SCFD1: variants seen among roughly 807,000 people sequenced by gnomAD.
SCFD1 encodes the protein sec1 family domain-containing protein 1.
In SCFD1, 37 loss-of-function variants were observed where a neutral mutation model predicts 103.2. The ratio of observed to expected loss-of-function variants is 0.36; its 90% CI spans 0.28 to 0.47. SCFD1 has a LOEUF of 0.47. Among genes scored for constraint, SCFD1 ranks in the 20% least tolerant of loss-of-function variants. The pLI, the probability that SCFD1 is intolerant of heterozygous loss-of-function variation, is 1.00. For synonymous variants in SCFD1, 264 were observed against 245.0 expected, an observed-to-expected ratio of 1.08 and a Z score of -0.73; for missense variants, 639 against 761.2, an observed-to-expected ratio of 0.84 and a Z score of 1.89.
intron 14 of SCFD1, chr14:30,683,059 T>G (rs1251167723): frequency 6.6e-6 from 9 of 1,373,354 alleles, no homozygotes; most frequent in Admixed American, 1.7e-5. Context: ...GGCTCCTGAC[T>G]GGTGACCTGT....
chr14:30,700,603 G>A (rs902471435), intron 16 of SCFD1, among the ~76,000 whole-genome samples: 1 of 152,178 alleles, frequency 6.6e-6, no homozygotes, highest in Non-Finnish European at 1.5e-5. Context: ...GAACCTGGGA[G>A]GCAGAGGTTG....
intron 15 of SCFD1, among the ~76,000 whole-genome samples, chr14:30,695,707 C>T (rs1053567256): frequency 1.3e-5 from 2 of 151,886 alleles, no homozygotes; most frequent in East Asian, 3.9e-4. Flanking sequence ...CATATACACA[C>T]AAAAAATGAA....
At chr14:30,709,712 A>C (rs73254554) in intron 19 of SCFD1, among the ~76,000 whole-genome samples, 2,526 of 152,276 alleles carry the variant, frequency 0.017, 91 homozygotes, top group African/African-American at 0.057. Context: ...CACATTAGAG[A>C]CAAATGTGCT....
At chr14:30,640,378 A>G (rs942908748) in intron 6 of SCFD1, among the ~76,000 whole-genome samples, 2 of 152,174 alleles carry the variant, frequency 1.3e-5, no homozygotes, top group South Asian at 2.1e-4. Context: ...ATTTTTGACA[A>G]CGGTTATTAT....
chr14:30,660,620 C>CTT (rs35522948), intron 10 of SCFD1, among the ~76,000 whole-genome samples: 1 of 147,888 alleles, frequency 6.8e-6, no homozygotes, highest in Admixed American at 6.7e-5. Flanking sequence ...ATATAAATAA[C>CTT]TTTTTTTTTT....
intron 9 of SCFD1, among the ~76,000 whole-genome samples, chr14:30,651,129 A>T (rs1404917649): frequency 6.6e-6 from 1 of 152,154 alleles, no homozygotes; most frequent in East Asian, 1.9e-4. Flanking sequence ...ATACTAAAAA[A>T]CCCTATACAT....
intron 7 of SCFD1, among the ~76,000 whole-genome samples, chr14:30,644,842 G>C (rs455614): frequency 0.078 from 11,934 of 152,094 alleles, 758 homozygotes; most frequent in African/African-American, 0.17. Context: ...AGTTTAATTA[G>C]GTCCAATTTG....
At chr14:30,625,605 G>C (rs1428647154) in intron 1 of SCFD1, among the ~76,000 whole-genome samples, 1 of 60,296 alleles carries the variant, frequency 1.7e-5, no homozygotes, top group African/African-American at 1.3e-4. Flanking sequence ...TTTGTTATAG[G>C]TATAGGTATA....
chr14:30,668,510 C>T (rs1888229226), intron 10 of SCFD1, among the ~76,000 whole-genome samples: 1 of 152,128 alleles, frequency 6.6e-6, no homozygotes, highest in African/African-American at 2.4e-5. Context: ...ATGACTAAAA[C>T]ACCAAAAGCA....
chr14:30,683,290 T>G (rs1161268799), intron 14 of SCFD1: 28 of 871,600 alleles, frequency 3.2e-5, no homozygotes, highest in Non-Finnish European at 4.7e-5. Context: ...CACACTGGGA[T>G]AGTAGCAGGG....
intron 14 of SCFD1, among the ~76,000 whole-genome samples, chr14:30,693,289 T>TA (rs1272015876): frequency 3.3e-5 from 5 of 151,912 alleles, no homozygotes; most frequent in South Asian, 2.1e-4. Flanking sequence ...AAAGAAACTC[T>TA]AAAAAAAACT....
chr14:30,731,159 G>A (rs1229099955), intron 23 of SCFD1, among the ~76,000 whole-genome samples: 1 of 152,194 alleles, frequency 6.6e-6, no homozygotes, highest in East Asian at 1.9e-4. Context: ...TCAGATGGTT[G>A]TAGATGTGTG....
At chr14:30,625,328 T>G (rs1437353816) in intron 1 of SCFD1, among the ~76,000 whole-genome samples, 1 of 152,140 alleles carries the variant, frequency 6.6e-6, no homozygotes, top group African/African-American at 2.4e-5. Flanking sequence ...GTGTTTTTGA[T>G]TTTGGAATAT....
chr14:30,622,671 A>G (rs563234110), intron 1 of SCFD1, among the ~76,000 whole-genome samples: 1 of 152,294 alleles, frequency 6.6e-6, no homozygotes, highest in East Asian at 1.9e-4. Context: ...AGGCCATCAC[A>G]ACAAGATCTA....
chr14:30,654,349 G>C (rs1424594114), intron 10 of SCFD1, among the ~76,000 whole-genome samples: 1 of 152,206 alleles, frequency 6.6e-6, no homozygotes, highest in East Asian at 1.9e-4. Context: ...ATCATATCAT[G>C]ATAGTAAAGA....
At chr14:30,732,395 A>G (rs1003215627) in intron 23 of SCFD1, among the ~76,000 whole-genome samples, 1 of 152,206 alleles carries the variant, frequency 6.6e-6, no homozygotes, top group Non-Finnish European at 1.5e-5. Flanking sequence ...GTCTTTGACC[A>G]TTATATATTT....
At chr14:30,658,527 G>C (rs1481220717) in intron 10 of SCFD1, among the ~76,000 whole-genome samples, 1 of 152,030 alleles carries the variant, frequency 6.6e-6, no homozygotes, top group Non-Finnish European at 1.5e-5. Context: ...TGAGTAGCTG[G>C]GACTACAGGC....
chr14:30,705,558 C>T lies in SCFD1; in HGVS notation c.1491-265C>T, dbSNP rs1211939143. Among the ~76,000 whole-genome samples the T allele has an allele frequency of 5.9e-4, 90 of 152,242 alleles. 1 individual carries two copies. Among genetic ancestry groups the T allele is most frequent in the Non-Finnish European group, 1.3e-4 (9 of 68,006 alleles). ...GGCCAAGTTGGGAGGATCACTTGAG[C>T]CTGGGAGGTCAAGGCTGCAGTGAGC... On this transcript the variant is annotated intron_variant, in intron 17 of 24. Transcript: ENST00000458591.
chr14:30,628,269 C>T lies in SCFD1; in HGVS notation c.122C>T (p.Pro41Leu). 6.2e-7 allele frequency: 1 copy of T among 1,607,192 alleles called. No individual in the cohort carries two copies. The highest frequency in any genetic ancestry group is 8.5e-7 in the Non-Finnish European group (1 of 1,174,290). ...CATATTAAAAACAGCACAGGAGAAC[C>T]AGTATGGAAGGTAAGAGTTTATCTT... is the stretch of plus-strand genomic sequence containing the variant. ...VPHIKNSTGE[P>L]VWKVLIYDRF... is the part of the protein sequence containing the mutation. The change falls in exon 2 of 25, where the codon CCA (proline) becomes CTA (leucine). Residue 41 changes from proline (P) to leucine (L), a missense_variant. Pro to Leu is a moderately conservative substitution (Grantham distance 98). Coordinates refer to ENST00000458591, the MANE Select transcript of SCFD1 (RefSeq NM_016106.4).
Sources: gnomAD v4.1 joint callset for allele counts (sites outside exome capture counted in the v4.1 genomes callset) on GRCh38, gnomAD v4.1.1 for gene constraint, MANE v1.5 for transcripts, NCBI Gene and HGNC (gene_info 2026-07-23, HGNC 2026-07-21) for gene names.